Variants in ARID5B observed in about 807,000 individuals in gnomAD.
ARID5B encodes AT-rich interaction domain 5B.
A neutral mutation model predicts 97.2 loss-of-function variants in ARID5B; 13 were observed. The observed-to-expected ratio is 0.13, with a 90% CI of 0.09 to 0.21. The LOEUF (loss-of-function observed/expected upper bound fraction) is 0.21. ARID5B is among the 10% of genes least tolerant of loss of function. The probability of loss-of-function intolerance (pLI) is 1.00; values close to 1 mark genes in which losing one functional copy is unlikely to be tolerated. For missense variants in ARID5B, 1,210 were observed against 1,465.3 expected (o/e 0.83, Z 2.84); for synonymous variants, 556 against 570.3 (o/e 0.97, Z 0.36).
chr10:61,985,433 A>G (rs1838833981), intron 3 of ARID5B, among the ~76,000 whole-genome samples: 1 of 151,984 alleles, frequency 6.6e-6, no homozygotes, highest in African/African-American at 2.4e-5. Context: ...CTGACCAGCC[A>G]ATAGATGGAA....
chr10:61,945,701 C>T (rs1263078615), intron 3 of ARID5B, among the ~76,000 whole-genome samples: 3 of 151,898 alleles, frequency 2.0e-5, no homozygotes, highest in Non-Finnish European at 4.4e-5. Flanking sequence ...TTGAGAAGAC[C>T]ACCTGAGAAC....
chr10:62,089,128 C>G (rs1840332007), intron 9 of ARID5B, among the ~76,000 whole-genome samples: 1 of 152,100 alleles, frequency 6.6e-6, no homozygotes, highest in Non-Finnish European at 1.5e-5. Flanking sequence ...TGCAATTTGC[C>G]TTTTTCCCTT....
chr10:61,932,305 T>A (rs1207132643), intron 2 of ARID5B, among the ~76,000 whole-genome samples: 1 of 152,224 alleles, frequency 6.6e-6, no homozygotes, highest in Non-Finnish European at 1.5e-5. Context: ...TTTTTTTGCT[T>A]GTGGAAGATC....
At chr10:62,068,233 T>C (rs1315652385) in intron 7 of ARID5B, among the ~76,000 whole-genome samples, 5 of 152,212 alleles carry the variant, frequency 3.3e-5, no homozygotes, top group Non-Finnish European at 1.5e-5. Flanking sequence ...TAAAACAAAC[T>C]GTAAATAAGG....
chr10:62,063,740 A>G (rs1441914395), intron 7 of ARID5B, among the ~76,000 whole-genome samples: 1 of 152,200 alleles, frequency 6.6e-6, no homozygotes, highest in African/African-American at 2.4e-5. Flanking sequence ...AATGTACCCA[A>G]CTTTTCCTTC....
At chr10:62,058,163 C>T (rs1371731926) in intron 6 of ARID5B, among the ~76,000 whole-genome samples, 1 of 152,164 alleles carries the variant, frequency 6.6e-6, no homozygotes, top group Non-Finnish European at 1.5e-5. Flanking sequence ...ACACTCGCAG[C>T]CATTATAAAC....
At chr10:61,943,480 T>C (rs199872581) in intron 3 of ARID5B, among the ~76,000 whole-genome samples, 4 of 108,668 alleles carry the variant, frequency 3.7e-5, no homozygotes, top group African/African-American at 1.4e-4. Context: ...GCCCCCCCCC[T>C]TTTTTTCTGG....
chr10:62,029,898 C>A (rs767211811), intron 4 of ARID5B, among the ~76,000 whole-genome samples: 4 of 152,128 alleles, frequency 2.6e-5, no homozygotes, highest in Admixed American at 2.6e-4. Flanking sequence ...GGGGGTAAGA[C>A]GTACACAGAG....
chr10:62,024,492 A>T (rs1249066397), intron 4 of ARID5B, among the ~76,000 whole-genome samples: 1 of 152,238 alleles, frequency 6.6e-6, no homozygotes, highest in African/African-American at 2.4e-5. Context: ...TTACAAGCTG[A>T]TAAGGGCAAA....
Position 62,092,139 on chromosome 10 carries a change from A to G in ARID5B, c.2676A>G (p.Lys892=), listed in dbSNP as rs1445452576. The G allele has an allele frequency of 6.2e-7, 1 of 1,608,176 alleles. No homozygotes were observed. The highest frequency in any genetic ancestry group is 2.2e-5 in the East Asian group (1 of 44,854). Residue 892 remains lysine (K), a synonymous_variant, in exon 10 of 10, where the codon AAA becomes AAG. Transcript: ENST00000279873. The stretch of plus-strand genomic sequence containing the variant: ...TCACGTCCCTGCACCTGCAAGACAA[A>G]AAGTCGGCGGCAGCAGAAGCCCCTA... ...NYLTSLHLQD[K]KSAAAEAPTD... is the part of the protein sequence containing the mutation.
At chr10:62,022,851 C>T (rs1325586367) in intron 4 of ARID5B, among the ~76,000 whole-genome samples, 1 of 152,216 alleles carries the variant, frequency 6.6e-6, no homozygotes, top group African/African-American at 2.4e-5. Context: ...TCATTGTGAA[C>T]GATTCACAGA....
intron 9 of ARID5B, among the ~76,000 whole-genome samples, chr10:62,087,532 T>TAA (rs769545599): frequency 1.3e-4 from 17 of 133,200 alleles, no homozygotes; most frequent in Admixed American, 3.8e-4. Flanking sequence ...TGCTGCCCAT[T>TAA]AAAAAAAAAA....
intron 2 of ARID5B, among the ~76,000 whole-genome samples, chr10:61,938,911 C>T (rs1253128764): frequency 6.8e-6 from 1 of 146,158 alleles, no homozygotes; most frequent in Non-Finnish European, 1.5e-5. Context: ...CAACCCAGGG[C>T]TTCTTATTAT....
At chr10:61,952,047 G>C (rs931067025) in intron 3 of ARID5B, among the ~76,000 whole-genome samples, 1 of 152,070 alleles carries the variant, frequency 6.6e-6, no homozygotes, top group African/African-American at 2.4e-5. Context: ...ACATTTGTAG[G>C]GGGGGATCGC....
intron 2 of ARID5B, among the ~76,000 whole-genome samples, chr10:61,930,730 T>C (rs1844194775): frequency 6.6e-6 from 1 of 150,376 alleles, no homozygotes; most frequent in South Asian, 2.1e-4. Flanking sequence ...AAAAAATAAA[T>C]AAATAAATAA....
chr10:62,085,567 A>G (rs148367538), intron 8 of ARID5B, 135 bp from the exon 9 acceptor site: 5 of 755,990 alleles, frequency 6.6e-6, no homozygotes, highest in African/African-American at 3.5e-5. Context: ...GTAAGTTTAT[A>G]GAAGTATAGC....
At chr10:61,930,077 G>A in intron 2 of ARID5B, among the ~76,000 whole-genome samples, 1 of 152,030 alleles carries the variant, frequency 6.6e-6, no homozygotes, top group Non-Finnish European at 1.5e-5. Flanking sequence ...CTTTAGGGGT[G>A]AGCACTGGAA....
chr10:61,998,154 A>G (rs1317402383), intron 3 of ARID5B, among the ~76,000 whole-genome samples: 1 of 152,210 alleles, frequency 6.6e-6, no homozygotes, highest in African/African-American at 2.4e-5. Context: ...CTGAGGAACT[A>G]AGTGAACATA....
At chr10:61,910,930 A>G (rs560016886) in intron 2 of ARID5B, among the ~76,000 whole-genome samples, 32 of 152,194 alleles carry the variant, frequency 2.1e-4, no homozygotes, top group Non-Finnish European at 4.4e-4. Flanking sequence ...GTTCACAGTC[A>G]CATCTCCATT....
Sources: gnomAD v4.1 joint callset for allele counts (sites outside exome capture counted in the v4.1 genomes callset) on GRCh38, gnomAD v4.1.1 for gene constraint, MANE v1.5 for transcripts, NCBI Gene and HGNC (gene_info 2026-07-23, HGNC 2026-07-21) for gene names.